The following VWDE variants were observed in gnomAD, a reference collection of about 807,000 sequenced individuals.
VWDE encodes the protein von Willebrand factor D and EGF domain-containing protein.
VWDE carries 207 observed loss-of-function variants against 178.4 expected under a neutral mutation model. The observed-to-expected ratio is 1.16, with a 90% CI of 1.04 to 1.30. The LOEUF is 1.30. Ranked by LOEUF, VWDE falls within the 50% of genes most tolerant of loss-of-function variation. The pLI is 0.00. For synonymous variants in VWDE, 738 were observed against 651.4 expected, an observed-to-expected ratio of 1.13 and a Z score of -2.02; for missense variants, 2,287 against 1,901.3, an observed-to-expected ratio of 1.20 and a Z score of -3.77.
chr7:12,335,078 G>T (rs1583267269), intron 27 of VWDE, among the ~76,000 whole-genome samples: 1 of 152,162 alleles, frequency 6.6e-6, no homozygotes, highest in East Asian at 1.9e-4. Flanking sequence ...GGAAACAAGG[G>T]TATGGTTCAT....
Position 12,377,885 on chromosome 7 carries a change from C to T in VWDE, c.915G>A (p.Gly305=). 1 of 1,516,918 alleles carries T rather than the reference C, an allele frequency of 6.6e-7. No homozygotes were observed. Among genetic ancestry groups the T allele is most frequent in the Non-Finnish European group, 8.8e-7 (1 of 1,131,712 alleles). The allele number at this position is 1,516,918 out of a possible 1,614,324, so 94.0% of individuals were successfully genotyped here. A position where few individuals can be genotyped will look rare whatever the true frequency, so the allele number is the denominator to read the frequency against. ...TTTCTATCCTCAGGTAGTATTCTTT[C>T]CCATCCTCTGATATAGTGCTCAATT... is the stretch of plus-strand genomic sequence containing the variant. ...QPELSTISED[G]KEYYLRIEST... The change falls in exon 7 of 29, where the codon GGG becomes GGA. Residue 305 remains glycine (G), a synonymous_variant. Coordinates refer to ENST00000275358, the MANE Select transcript of VWDE (RefSeq NM_001135924.3).
At chr7:12,331,656 T>C (rs539169284) in intron 28 of VWDE, among the ~76,000 whole-genome samples, 33 of 152,152 alleles carry the variant, frequency 2.2e-4, no homozygotes, top group Non-Finnish European at 3.7e-4. Flanking sequence ...GTACTTCACA[T>C]ATATTAACAT....
chr7:12,403,626 C>T (rs750469960), intron 1 of VWDE, 33 bp downstream of exon 1: 74 of 1,528,662 alleles, frequency 4.8e-5, no homozygotes, highest in Non-Finnish European at 6.3e-5. Context: ...GGCGCCACTG[C>T]GCGCCCACCC....
At chr7:12,367,031 T>C (rs1022576773) in intron 13 of VWDE, among the ~76,000 whole-genome samples, 2 of 152,052 alleles carry the variant, frequency 1.3e-5, no homozygotes, top group Non-Finnish European at 2.9e-5. Context: ...ATGCAAGATG[T>C]CTTGGCTAAA....
At chr7:12,377,694 A>G (rs961370954) in intron 7 of VWDE, 82 bp downstream of exon 7, 5 of 871,202 alleles carry the variant, frequency 5.7e-6, no homozygotes, top group African/African-American at 1.8e-5. Flanking sequence ...ATATGAGTAC[A>G]CTCCAGTGAC....
At chr7:12,387,960 A>G (rs924591752) in intron 3 of VWDE, among the ~76,000 whole-genome samples, 1 of 152,192 alleles carries the variant, frequency 6.6e-6, no homozygotes, top group African/African-American at 2.4e-5. Flanking sequence ...AAGCCATGAT[A>G]TATTTGTCAA....
At chr7:12,392,035 C>T (rs900557460) in intron 2 of VWDE, among the ~76,000 whole-genome samples, 3 of 152,118 alleles carry the variant, frequency 2.0e-5, no homozygotes, top group Non-Finnish European at 2.9e-5. Flanking sequence ...TAATACAATG[C>T]CTCTATTAGC....
chr7:12,379,525 A>G lies in VWDE; in HGVS notation c.831T>C (p.His277=), dbSNP rs942176297. The change falls in exon 6 of 29, where the codon CAT becomes CAC. Residue 277 remains histidine (H), a synonymous_variant. Transcript: ENST00000275358. ...SASVFFLENP[H]VQSVAIESQE... ...GGCTTTCGATGGCTACACTTTGTAC[A>G]TGAGGATTCTCCAAGAAAAAGACAG... The G allele has an allele frequency of 3.9e-6, 6 of 1,550,916 alleles. No individual in the cohort carries two copies. In the East Asian group the frequency reaches 9.8e-5, roughly 25 times the overall value.
Position 12,370,443 on chromosome 7 carries a change from G to T in VWDE, c.1863C>A (p.Ser621=). ...PVSMTSPGKP[S]YCSCSLDTAA... is the part of the protein sequence containing the mutation. ...CAGTGTCCAATGAACAGCTACAATAGGATGGCTTTCCAGGTGATGTCATAG... is the reference window on the plus strand; with the variant it reads ...CAGTGTCCAATGAACAGCTACAATATGATGGCTTTCCAGGTGATGTCATAG... Residue 621 remains serine (S), a synonymous_variant, in exon 12 of 29, where the codon TCC becomes TCA. Transcript: ENST00000275358. 2 of 1,543,842 alleles carry T rather than the reference G, an allele frequency of 1.3e-6. No individual in the cohort carries two copies.
chr7:12,372,377 A>C (rs924139524), intron 10 of VWDE, among the ~76,000 whole-genome samples: 13 of 152,034 alleles, frequency 8.6e-5, no homozygotes, highest in African/African-American at 2.7e-4. Context: ...TACAAACAGA[A>C]ACTTAAATTT....
chr7:12,379,012 T>A (rs10270541), intron 6 of VWDE, among the ~76,000 whole-genome samples: 1 of 152,084 alleles, frequency 6.6e-6, no homozygotes, highest in African/African-American at 2.4e-5. Context: ...AGCTCTTCAG[T>A]TCTTGGATCC....
At chr7:12,367,252 T>C (rs1457937273) in intron 13 of VWDE, 105 bp downstream of exon 13, 2 of 837,004 alleles carry the variant, frequency 2.4e-6, no homozygotes, top group Non-Finnish European at 3.3e-6. Flanking sequence ...AGATATAATA[T>C]CGTTTGGATT....
In VWDE at chr7:12,367,394, T is replaced by C. The variant is rs1375259771; in HGVS notation, c.2861A>G (p.Glu954Gly). 1.9e-6 allele frequency: 3 copies of C among 1,546,874 alleles called. No homozygotes were observed. In the African/African-American group the frequency reaches 4.1e-5, roughly 21 times the overall value. ...MVRVFGKGFK[E>G]LPSIKCEVTK... ...AACTTCACATTTAATTGAAGGTAAT[T>C]CTTTGAAGCCTTTGCCAAAAACTCT... The change falls in exon 13 of 29, where the codon GAA becomes GGA. Residue 954 changes from glutamate (E) to glycine (G), a missense_variant. Transcript: ENST00000275358.
At chr7:12,375,269 A>T (rs1461524947) in intron 7 of VWDE, 42 bp from the exon 8 acceptor site, 25 of 1,345,006 alleles carry the variant, frequency 1.9e-5, no homozygotes, top group Non-Finnish European at 2.5e-5. Flanking sequence ...CCAAGAGAAT[A>T]TACTAACCAA....
chr7:12,344,148 A>G (rs1293072957), intron 21 of VWDE, 47 bp downstream of exon 21: 1 of 1,471,842 alleles, frequency 6.8e-7, no homozygotes, highest in Non-Finnish European at 9.3e-7. Context: ...AAAGAAAATT[A>G]TGCTATATTT....
In VWDE at chr7:12,369,899, C is replaced by CG; in HGVS notation, c.2406dup (p.Glu803ArgfsTer3). ...TGACAGAGGGTCAAGGTGCTATACT[C>CG]GGTGAGGCCAGAGGGAGTGGGCCAA... On this transcript the variant is annotated frameshift_variant, in exon 12 of 29. Transcript: ENST00000275358. LOFTEE classifies it high-confidence loss of function. 1 of 1,551,426 alleles carries CG rather than the reference C, an allele frequency of 6.4e-7. No individual in the cohort carries two copies. Among genetic ancestry groups the CG allele is most frequent in the Non-Finnish European group, 8.7e-7 (1 of 1,146,876 alleles).
In VWDE at chr7:12,373,231, T is replaced by C. The variant is rs903966695; in HGVS notation, c.1333A>G (p.Lys445Glu). 12 of 1,550,956 alleles carry C rather than the reference T, an allele frequency of 7.7e-6. No homozygotes were observed. In the African/African-American group the frequency reaches 1.5e-4, roughly 19 times the overall value. The change falls in exon 10 of 29, where the codon AAG becomes GAG. Residue 445 changes from lysine to glutamate, a missense_variant. Transcript: ENST00000275358. ...TFDGRVYDNF[K>E]TGTFVLYKSM... The stretch of plus-strand genomic sequence containing the variant: ...TTATAAAGCACAAATGTTCCAGTCT[T>C]GAAATTATCATATACCCTATCATTA...
chr7:12,354,834 AT>A lies in VWDE; in HGVS notation c.3745+1276del, dbSNP rs529264357. Reference sequence around the variant, plus strand: ...AAAAAGTCAGTAATTTTTAAAAGTTATTTAGGATGGTTGTCTGTTTAGCTTA... The same window carrying A: ...AAAAAGTCAGTAATTTTTAAAAGTTATTAGGATGGTTGTCTGTTTAGCTTA... On this transcript the variant is annotated intron_variant, in intron 18 of 28. Transcript: ENST00000275358. Among the ~76,000 whole-genome samples, 6 of 152,312 alleles carry A rather than the reference AT, an allele frequency of 3.9e-5. No homozygotes were observed. In the East Asian group the frequency reaches 1.2e-3, roughly 29 times the overall value.
chr7:12,380,849 A>C (rs950078664), intron 4 of VWDE, 116 bp from the exon 5 acceptor site: 1 of 1,201,790 alleles, frequency 8.3e-7, no homozygotes, highest in East Asian at 2.6e-5. Context: ...AGCAAGCTAA[A>C]TTTAGAAAAA....
Sources: allele counts gnomAD v4.1 joint callset (sites outside exome capture counted in the v4.1 genomes callset), GRCh38; gene constraint gnomAD v4.1.1; transcripts MANE v1.5; gene names NCBI Gene and HGNC (gene_info 2026-07-23, HGNC 2026-07-21).